Variants in GGCX observed in about 807,000 individuals in gnomAD.
GGCX encodes the protein vitamin K-dependent gamma-carboxylase.
GGCX carries 63 observed loss-of-function variants against 88.5 expected under a neutral mutation model. The observed-to-expected ratio is 0.71, with a 90% CI of 0.58 to 0.88. The LOEUF is 0.88. Ranked by LOEUF, GGCX falls within the 40% of genes least tolerant of loss-of-function variation. The pLI is 0.00. For missense variants in GGCX, 805 were observed against 932.9 expected (o/e 0.86, Z 1.79); for synonymous variants, 368 against 365.8 (o/e 1.01, Z -0.07).
At chr2:85,560,343 T>C (rs952297884) in intron 2 of GGCX, among the ~76,000 whole-genome samples, 4 of 152,110 alleles carry the variant, frequency 2.6e-5, no homozygotes, top group Non-Finnish European at 5.9e-5. Context: ...TCCCAGCACT[T>C]TGGGAGGCCG....
intron 12 of GGCX, 68 bp from the exon 13 acceptor site, chr2:85,551,140 CTA>C (rs1691931840): frequency 7.1e-7 from 1 of 1,412,900 alleles, no homozygotes; most frequent in Non-Finnish European, 1.0e-6. Context: ...CCTCCCTACT[CTA>C]TGACTCTTGG....
In GGCX at chr2:85,545,555, C is replaced by T. The variant is rs532268389; in HGVS notation, c.*4379G>A. 2.6e-5 allele frequency: 4 copies of T among 152,306 alleles called. No homozygotes were observed. Among genetic ancestry groups the T allele is most frequent in the East Asian group, 1.9e-4 (1 of 5,190 alleles). The allele number at this position is 152,306 out of a possible 1,614,324, so 9.4% of individuals were successfully genotyped here. A position where few individuals can be genotyped will look rare whatever the true frequency, so the allele number is the denominator to read the frequency against. On this transcript the variant is annotated 3_prime_UTR_variant, in exon 15 of 15. Transcript: ENST00000233838. ...CATAATTCAGGAAAATAACCTCAAT[C>T]CCTAGACCCAGTGGGTGGGCATTTT...
At chr2:85,555,645 G>A (rs1692177659) in intron 5 of GGCX, 55 bp from the exon 6 acceptor site, 1 of 973,430 alleles carries the variant, frequency 1.0e-6, no homozygotes, top group African/African-American at 1.6e-5. Context: ...TCTACAGATA[G>A]GCAAGAATAA....
chr2:85,553,176 T>C, intron 8 of GGCX, 56 bp downstream of exon 8: 1 of 1,612,744 alleles, frequency 6.2e-7, no homozygotes, highest in Non-Finnish European at 8.5e-7. Context: ...CCAACTATTG[T>C]CATCCGTTCC....
Position 85,553,044 on chromosome 2 carries a change from C to T in GGCX, c.1182G>A (p.Leu394=). The T allele has an allele frequency of 6.2e-7, 1 of 1,614,180 alleles. No individual in the cohort carries two copies. The highest frequency in any genetic ancestry group is 8.5e-7 in the Non-Finnish European group (1 of 1,179,976). The change falls in exon 9 of 15, where the codon CTG becomes CTA. Residue 394 remains leucine (L), a synonymous_variant. Coordinates refer to ENST00000233838, the MANE Select transcript of GGCX (RefSeq NM_000821.7). ...TQGYNNWTNG[L]YGYSWDMMVH... is the part of the protein sequence containing the mutation. ...CCATCATGTCCCAGGAATAGCCATA[C>T]AGCCCATTTGTCCAGTTGTTATAGC...
rs1558801325 is a variant in GGCX at position 85,546,864 on chromosome 2, T to C, written c.*3070A>G. 6.6e-6 allele frequency: 1 copy of C among 152,248 alleles called. No individual in the cohort carries two copies. The highest frequency in any genetic ancestry group is 1.5e-5 in the Non-Finnish European group (1 of 68,042). The allele number at this position is 152,248 out of a possible 1,614,324, so 9.4% of individuals were successfully genotyped here. A position where few individuals can be genotyped will look rare whatever the true frequency, so the allele number is the denominator to read the frequency against. On this transcript the variant is annotated 3_prime_UTR_variant, in exon 15 of 15. Transcript: ENST00000233838. ...TCATAAGGGAGTTTTTAGATGCCAATACATTGCAGATAACCATATTGGCTA... is the reference window on the plus strand; with the variant it reads ...TCATAAGGGAGTTTTTAGATGCCAACACATTGCAGATAACCATATTGGCTA...
At chr2:85,555,238 TCTTTC>T (rs901361857) in intron 6 of GGCX, 2 of 400,888 alleles carry the variant, frequency 5.0e-6, no homozygotes, top group Non-Finnish European at 9.4e-6. Flanking sequence ...CAGTTCCGGC[TCTTTC>T]CTTTCCTTTT....
chr2:85,559,003 A>G lies in GGCX; in HGVS notation c.287T>C (p.Leu96Pro). Residue 96 changes from leucine (L) to proline (P), a missense_variant, in exon 3 of 15, where the codon CTG becomes CCG. Coordinates refer to ENST00000233838, the MANE Select transcript of GGCX (RefSeq NM_000821.7). ...CAGCAAGGGGAAGCGGCACACATCC[A>G]GCCCATCAAGGTATTTCCGGTCCAG... is the stretch of plus-strand genomic sequence containing the variant. ...SSLDRKYLDG[L>P]DVCRFPLLDA... The G allele has an allele frequency of 6.2e-7, 1 of 1,613,888 alleles. No individual in the cohort carries two copies. Among genetic ancestry groups the G allele is most frequent in the South Asian group, 1.1e-5 (1 of 91,072 alleles).
chr2:85,553,242 A>G lies in GGCX; in HGVS notation c.1145T>C (p.Phe382Ser). Residue 382 changes from phenylalanine (F) to serine (S), a missense_variant, in exon 8 of 15, where the codon TTT becomes TCT. By Grantham distance (155) the Phe-to-Ser change is radical. This residue lies in a region of GGCX where 680 missense variants were observed against 763.7 expected (regional missense o/e 0.89). Transcript: ENST00000233838. Reference protein sequence around the residue: ...LEQLFLPYSHFLTQGYNNWTN... With the variant: ...LEQLFLPYSHSLTQGYNNWTN... ...ACAGCCCCTACAAACCTGGGTGAGA[A>G]AATGAGAATAGGGCAGGAATAGCTG... 6.2e-7 allele frequency: 1 copy of G among 1,614,272 alleles called. No individual in the cohort carries two copies.
chr2:85,551,385 C>T lies in GGCX; in HGVS notation c.1740+95G>A. The T allele has an allele frequency of 4.7e-6, 6 of 1,275,104 alleles. No individual in the cohort carries two copies. The South Asian group carries it at 4.8e-5, about 10-fold the overall frequency. 79.0% of individuals were successfully genotyped at this position (1,275,104 alleles called of 1,614,324 possible). ...CTGTTGCTCAGGCTCACTGTGAATT[C>T]CTGGCTTCCCACCTCAGCCTCCTAA... On this transcript the variant is annotated intron_variant, in intron 12 of 14. Coordinates refer to ENST00000233838, the MANE Select transcript of GGCX (RefSeq NM_000821.7).
chr2:85,560,996 T>C lies in GGCX; in HGVS notation c.44-11A>G. ...CTTTCTGTACTTTATCTGCAATCAA[T>C]AAATGGAGAAAATATGTGTGCGGGG... On this transcript the variant is annotated splice_polypyrimidine_tract_variant and intron_variant, in intron 1 of 14. Coordinates refer to ENST00000233838, the MANE Select transcript of GGCX (RefSeq NM_000821.7). 6.2e-7 allele frequency: 1 copy of C among 1,609,300 alleles called. No individual in the cohort carries two copies. The highest frequency in any genetic ancestry group is 1.3e-5 in the African/African-American group (1 of 74,890).
At position 85,545,811 on chromosome 2, in the gene GGCX, T is replaced by G. The variant is rs1691633643; in HGVS notation, c.*4123A>C. The G allele has an allele frequency of 6.6e-6, 1 of 152,212 alleles. No individual in the cohort carries two copies. Among genetic ancestry groups the G allele is most frequent in the Non-Finnish European group, 1.5e-5 (1 of 68,036 alleles). The allele number at this position is 152,212 out of a possible 1,614,324, so 9.4% of individuals were successfully genotyped here. Reference sequence around the variant, plus strand: ...TGCATACATTTTTAAATTATGAGCTTAGTTTTAAGGGTTGTATGATGTTTT... The same window carrying G: ...TGCATACATTTTTAAATTATGAGCTGAGTTTTAAGGGTTGTATGATGTTTT... On this transcript the variant is annotated 3_prime_UTR_variant, in exon 15 of 15. Transcript: ENST00000233838.
intron 2 of GGCX, 27 bp downstream of exon 2, chr2:85,560,788 T>C: frequency 6.3e-7 from 1 of 1,589,652 alleles, no homozygotes. Context: ...CTCAACCAAA[T>C]TGCTCCCACC....
chr2:85,554,011 T>G (rs540080148), intron 7 of GGCX, 132 bp downstream of exon 7: 3 of 770,826 alleles, frequency 3.9e-6, no homozygotes, highest in Non-Finnish European at 7.1e-6. Context: ...TTATGCCTAC[T>G]TCATAGTGAC....
chr2:85,552,010 C>T (rs752575628), intron 10 of GGCX, 29 bp from the exon 11 acceptor site: 4 of 1,564,366 alleles, frequency 2.6e-6, no homozygotes, highest in Non-Finnish European at 3.5e-6. Flanking sequence ...GTTCTAAGGA[C>T]ATCACAGCCA....
Position 85,553,256 on chromosome 2 carries a change from C to T in GGCX, c.1131G>A (p.Leu377=), listed in dbSNP as rs766790584. The change falls in exon 8 of 15, where the codon CTG becomes CTA. Residue 377 remains leucine, a synonymous_variant. Coordinates refer to ENST00000233838, the MANE Select transcript of GGCX (RefSeq NM_000821.7). The part of the protein sequence containing the change: ...TLLYLLEQLF[L]PYSHFLTQGY... ...CCTGGGTGAGAAAATGAGAATAGGG[C>T]AGGAATAGCTGCTCCAGGAGGTAGA... The T allele has an allele frequency of 6.2e-7, 1 of 1,614,250 alleles. No homozygotes were observed.
chr2:85,555,285 C>A, intron 6 of GGCX, 199 bp downstream of exon 6: 1 of 536,764 alleles, frequency 1.9e-6, no homozygotes, highest in South Asian at 2.0e-5. Flanking sequence ...CCTATCTATA[C>A]CATATATCTC....
rs767354924 is a variant in GGCX at position 85,552,482 on chromosome 2, T to C, written c.1373A>G (p.Tyr458Cys). The C allele has an allele frequency of 3.7e-6, 6 of 1,613,916 alleles. No homozygotes were observed. Among genetic ancestry groups the C allele is most frequent in the South Asian group, 1.1e-5 (1 of 91,084 alleles). Reference sequence around the variant, plus strand: ...GTAGATCTGGGGCTCAGTGACATTATACTTGGGAAGCAGGCGGCTCAGGCA... The same window carrying C: ...GTAGATCTGGGGCTCAGTGACATTACACTTGGGAAGCAGGCGGCTCAGGCA... ...ATCLSRLLPK[Y>C]NVTEPQIYFD... Residue 458 changes from tyrosine (Y) to cysteine (C), a missense_variant, in exon 10 of 15, where the codon TAT becomes TGT. Around this residue, in one of 3 missense-constraint regions of GGCX, gnomAD observed 680 missense variants for 763.7 expected, o/e 0.89. Transcript: ENST00000233838.
At chr2:85,560,665 G>T in intron 2 of GGCX, 150 bp downstream of exon 2, 1 of 769,558 alleles carries the variant, frequency 1.3e-6, no homozygotes, top group South Asian at 1.4e-5. Flanking sequence ...GACAAAGCAG[G>T]TTTAATCCTA....
Sources: allele counts gnomAD v4.1 joint callset (sites outside exome capture counted in the v4.1 genomes callset), GRCh38; gene constraint gnomAD v4.1.1; regional missense constraint gnomAD v4.1.1; transcripts MANE v1.5; gene names NCBI Gene and HGNC (gene_info 2026-07-23, HGNC 2026-07-21).